DCAF1: variants seen among roughly 807,000 people sequenced by gnomAD.
DCAF1 encodes the protein DDB1- and CUL4-associated factor 1.
In DCAF1, 15 loss-of-function variants were observed where a neutral mutation model predicts 128.0. The ratio of observed to expected loss-of-function variants is 0.12; its 90% CI spans 0.08 to 0.18. DCAF1 has a LOEUF of 0.18. DCAF1 is among the 10% of genes least tolerant of loss of function. The probability of loss-of-function intolerance (pLI) is 1.00; values close to 1 mark genes in which losing one functional copy is unlikely to be tolerated. For missense variants in DCAF1, 988 were observed against 1,649.5 expected (o/e 0.60, Z 6.95); for synonymous variants, 610 against 603.0 (o/e 1.01, Z -0.17).
intron 3 of DCAF1, among the ~76,000 whole-genome samples, chr3:51,479,323 G>A (rs797027483): frequency 4.0e-5 from 6 of 151,738 alleles, no homozygotes; most frequent in Admixed American, 6.6e-5. Context: ...GCAACATAGC[G>A]AAAACCTATC....
At chr3:51,495,303 G>A (rs371656955) in intron 2 of DCAF1, among the ~76,000 whole-genome samples, 297 of 151,178 alleles carry the variant, frequency 2.0e-3, no homozygotes, top group East Asian at 5.5e-3. Flanking sequence ...CAGCCTGGGC[G>A]ACAAGAGCAA....
chr3:51,405,218 G>A (rs1553626237), intron 23 of DCAF1, among the ~76,000 whole-genome samples: 1 of 152,180 alleles, frequency 6.6e-6, no homozygotes, highest in Admixed American at 6.5e-5. Context: ...GTACATGAAA[G>A]GTTAAACTGC....
chr3:51,499,690 G>A (rs1002212096), intron 1 of DCAF1, among the ~76,000 whole-genome samples, 183 bp downstream of exon 1: 1 of 151,768 alleles, frequency 6.6e-6, no homozygotes, highest in African/African-American at 2.4e-5. Flanking sequence ...TCAGGAGGAG[G>A]AAAAGTCCTG....
At chr3:51,460,044 G>C (rs1703367988) in intron 6 of DCAF1, among the ~76,000 whole-genome samples, 1 of 152,074 alleles carries the variant, frequency 6.6e-6, no homozygotes, top group African/African-American at 2.4e-5. Context: ...ATAGCGTTGG[G>C]AGTTCTGGCC....
intron 2 of DCAF1, among the ~76,000 whole-genome samples, chr3:51,485,895 T>A (rs28360743): frequency 0.83 from 114,729 of 138,546 alleles, 47,036 homozygotes; most frequent in East Asian, 0.91. Context: ...ATTTTTTTTT[T>A]TTTTTTTTTT....
intron 2 of DCAF1, among the ~76,000 whole-genome samples, chr3:51,494,140 TCTCA>T (rs1707977722): frequency 7.7e-6 from 1 of 130,286 alleles, no homozygotes; most frequent in Non-Finnish European, 1.6e-5. Context: ...TGAGATGGAG[TCTCA>T]CTCTGTCGCC....
chr3:51,423,876 G>A (rs1400353509), intron 13 of DCAF1, among the ~76,000 whole-genome samples: 1 of 150,932 alleles, frequency 6.6e-6, no homozygotes. Flanking sequence ...GTATTAAGAT[G>A]TTCATTAGCC....
At position 51,462,002 on chromosome 3, in the gene DCAF1, T is replaced by C. The variant is rs551574386; in HGVS notation, c.375+1112A>G. 5.9e-5 allele frequency among the ~76,000 whole-genome samples: 9 copies of C among 151,978 alleles called. No homozygotes were observed. The South Asian group carries it at 1.7e-3, about 28-fold the overall frequency. On this transcript the variant is annotated intron_variant, in intron 6 of 24. Coordinates refer to ENST00000684031, the MANE Select transcript of DCAF1 (RefSeq NM_001387579.1). ...GGGTGCAGCACACCAACATGGCACA[T>C]GTATACATATGTAACAAAACTGCAC...
rs782373811 is a variant in DCAF1 at position 51,418,696 on chromosome 3, T to C, written c.3417A>G (p.Thr1139=). ...ASYNCHNSAI[T]HLEPSRDGSL... ...CCCTTACCCTGGAAGGTTCAAGATG[T>C]GTGATGGCTGAGTTGTGACAGTTAT... The change falls in exon 16 of 25, where the codon ACA becomes ACG. Residue 1139 remains threonine (T), a synonymous_variant. Transcript: ENST00000684031. 3.7e-6 allele frequency: 6 copies of C among 1,613,162 alleles called. No homozygotes were observed. Among genetic ancestry groups the C allele is most frequent in the Non-Finnish European group, 5.1e-6 (6 of 1,179,666 alleles).
Position 51,420,201 on chromosome 3 carries a change from C to G in DCAF1, c.2769G>C (p.Ala923=). 1 of 1,613,948 alleles carries G rather than the reference C, an allele frequency of 6.2e-7. No homozygotes were observed. Among genetic ancestry groups the G allele is most frequent in the South Asian group, 1.1e-5 (1 of 91,090 alleles). Reference sequence around the variant, plus strand: ...GAGGATGAGCAGTAGGGGCAGAAGGCGCAGAGGCACCCACAGCAGCATGGC... The same window carrying G: ...GAGGATGAGCAGTAGGGGCAGAAGGGGCAGAGGCACCCACAGCAGCATGGC... ...LGSHAAVGAS[A]PSAPTAHPQP... The change falls in exon 15 of 25, where the codon GCG becomes GCC. Residue 923 remains alanine, a synonymous_variant. Coordinates refer to ENST00000684031, the MANE Select transcript of DCAF1 (RefSeq NM_001387579.1). This position sits in a 1 kb window ranked among gnomAD's most constrained non-coding sequence, Gnocchi z 6.5.
intron 2 of DCAF1, among the ~76,000 whole-genome samples, chr3:51,484,454 C>G (rs1706671755): frequency 6.6e-6 from 1 of 151,662 alleles, no homozygotes; most frequent in Non-Finnish European, 1.5e-5. Flanking sequence ...GCTTGGGCGA[C>G]AGAGCAAGAC....
intron 23 of DCAF1, among the ~76,000 whole-genome samples, chr3:51,405,629 T>C (rs2090049857): frequency 6.6e-6 from 1 of 152,204 alleles, no homozygotes; most frequent in Admixed American, 6.5e-5. Context: ...TTGTCACACA[T>C]GGACATAGCC....
chr3:51,501,048 C>T (rs1708781504), upstream of DCAF1, among the ~76,000 whole-genome samples: 1 of 152,112 alleles, frequency 6.6e-6, no homozygotes, highest in Non-Finnish European at 1.5e-5. Context: ...AATTTCTAGG[C>T]TCAAACGATT....
chr3:51,421,069 A>G, intron 14 of DCAF1, 72 bp from the exon 15 acceptor site: 1 of 1,511,124 alleles, frequency 6.6e-7, no homozygotes, highest in Non-Finnish European at 8.8e-7. Context: ...TTCCAGAGTC[A>G]AAATTTGGTG....
chr3:51,409,313 A>G (rs375633482), intron 23 of DCAF1, among the ~76,000 whole-genome samples: 1 of 151,416 alleles, frequency 6.6e-6, no homozygotes, highest in East Asian at 1.9e-4. Flanking sequence ...GCCTCTCACC[A>G]CTCCATGTCT....
At chr3:51,433,479 G>T (rs923389639) in intron 9 of DCAF1, among the ~76,000 whole-genome samples, 67 of 149,682 alleles carry the variant, frequency 4.5e-4, no homozygotes, top group Non-Finnish European at 7.7e-4. Context: ...TTTTTTTTTT[G>T]AGATGGAGTT....
In DCAF1 at chr3:51,420,886, C is replaced by A; in HGVS notation, c.2084G>T (p.Arg695Leu). 1 of 1,613,948 alleles carries A rather than the reference C, an allele frequency of 6.2e-7. No homozygotes were observed. Among genetic ancestry groups the A allele is most frequent in the South Asian group, 1.1e-5 (1 of 91,076 alleles). Reference sequence around the variant, plus strand: ...GATAAATTTACCAATACTGGATATTCGGTTATCTGGGCCACACACACAATT... The same window carrying A: ...GATAAATTTACCAATACTGGATATTAGGTTATCTGGGCCACACACACAATT... ...IINCVCGPDN[R>L]ISSIGKFISG... Residue 695 changes from arginine to leucine, a missense_variant, in exon 15 of 25, where the codon CGA (arginine) becomes CTA (leucine). Arg to Leu is a moderately radical substitution (Grantham distance 102). Transcript: ENST00000684031. The surrounding 1 kb of genome is among the most constrained non-coding windows in gnomAD (Gnocchi z 6.5).
At chr3:51,460,257 C>A (rs2108006778) in intron 6 of DCAF1, among the ~76,000 whole-genome samples, 1 of 152,208 alleles carries the variant, frequency 6.6e-6, no homozygotes, top group East Asian at 1.9e-4. Context: ...TTCTTATACA[C>A]CAATAACACA....
chr3:51,400,190 G>A (rs1203390743), intron 24 of DCAF1, among the ~76,000 whole-genome samples: 2 of 152,210 alleles, frequency 1.3e-5, no homozygotes, highest in Non-Finnish European at 2.9e-5. Context: ...AGATGGAGAT[G>A]GCAAAGAACT....
Sources: gnomAD v4.1 joint callset for allele counts (sites outside exome capture counted in the v4.1 genomes callset) on GRCh38, gnomAD v4.1.1 for gene constraint, Gnocchi (gnomAD v3.1) non-coding constraint, MANE v1.5 for transcripts, NCBI Gene and HGNC (gene_info 2026-07-23, HGNC 2026-07-21) for gene names.